Variants in COP1 observed in about 807,000 individuals in gnomAD.
COP1 encodes E3 ubiquitin-protein ligase COP1.
A neutral mutation model predicts 101.3 loss-of-function variants in COP1; 24 were observed. The observed-to-expected ratio is 0.24, with a 90% CI of 0.17 to 0.33. The LOEUF (loss-of-function observed/expected upper bound fraction) is 0.33, where lower values mean the gene tolerates loss of function less well. COP1 is among the 10% of genes least tolerant of loss of function. The pLI, the probability that COP1 is intolerant of heterozygous loss-of-function variation, is 1.00. For synonymous variants in COP1, 347 were observed against 341.9 expected, an observed-to-expected ratio of 1.01 and a Z score of -0.17; for missense variants, 663 against 906.2, an observed-to-expected ratio of 0.73 and a Z score of 3.45.
chr1:176,042,550 G>A (rs190456079), intron 14 of COP1, among the ~76,000 whole-genome samples: 209 of 137,646 alleles, frequency 1.5e-3, no homozygotes, highest in Non-Finnish European at 1.5e-3. Flanking sequence ...GCAGCAGAGC[G>A]AGAATCCGTC....
At chr1:175,974,878 G>T (rs1654121656) in intron 18 of COP1, among the ~76,000 whole-genome samples, 1 of 146,650 alleles carries the variant, frequency 6.8e-6, no homozygotes, top group Non-Finnish European at 1.5e-5. Context: ...ATGAGCCATG[G>T]CTGCACTGCA....
In COP1 at chr1:175,945,135, T is replaced by C. The variant is rs374362432; in HGVS notation, c.*18A>G. On this transcript the variant is annotated 3_prime_UTR_variant, in exon 20 of 20. Transcript: ENST00000367669. ...GTATTTCAGCAGGATCAAGTACAAT[T>C]TGACTTGAGTTAACCCTTCATACCA... 83 of 1,564,204 alleles carry C rather than the reference T, an allele frequency of 5.3e-5. No homozygotes were observed. The African/African-American group carries it at 1.1e-3, about 20-fold the overall frequency.
At chr1:175,996,053 T>C (rs1300839671) in intron 15 of COP1, among the ~76,000 whole-genome samples, 1 of 152,132 alleles carries the variant, frequency 6.6e-6, no homozygotes, top group Non-Finnish European at 1.5e-5. Context: ...TCCACCATGA[T>C]CAAGTGGGCT....
At chr1:176,132,537 GAATA>G (rs1226406157) in intron 8 of COP1, among the ~76,000 whole-genome samples, 5 of 149,406 alleles carry the variant, frequency 3.3e-5, no homozygotes, top group Middle Eastern at 3.5e-3. Flanking sequence ...ACACATATAT[GAATA>G]TATACACACA....
At chr1:175,987,720 G>C (rs746870408) in intron 17 of COP1, among the ~76,000 whole-genome samples, 30 of 152,102 alleles carry the variant, frequency 2.0e-4, no homozygotes, top group Non-Finnish European at 4.1e-4. Context: ...CTGAACAAAG[G>C]CCAAGTCATT....
chr1:176,152,881 T>G (rs1692846421), intron 5 of COP1, among the ~76,000 whole-genome samples: 1 of 152,172 alleles, frequency 6.6e-6, no homozygotes, highest in South Asian at 2.1e-4. Flanking sequence ...TATTACTATT[T>G]AGGTAATAAT....
intron 15 of COP1, among the ~76,000 whole-genome samples, chr1:176,025,006 A>G (rs1439703848): frequency 1.3e-5 from 2 of 152,316 alleles, no homozygotes; most frequent in Non-Finnish European, 2.9e-5. Flanking sequence ...TAAATATAGT[A>G]GTTTATCAAA....
intron 9 of COP1, among the ~76,000 whole-genome samples, chr1:176,099,104 A>G (rs1682925321): frequency 6.6e-6 from 1 of 151,762 alleles, no homozygotes; most frequent in Admixed American, 6.6e-5. Context: ...TACTTTGTCA[A>G]TTGTGCTTCT....
At chr1:175,950,323 T>C (rs1292709342) in intron 18 of COP1, among the ~76,000 whole-genome samples, 1 of 152,030 alleles carries the variant, frequency 6.6e-6, no homozygotes, top group Non-Finnish European at 1.5e-5. Flanking sequence ...ACATCCTCTC[T>C]CCCCAAAGGT....
At chr1:176,063,276 G>A (rs1675311596) in intron 11 of COP1, among the ~76,000 whole-genome samples, 1 of 151,646 alleles carries the variant, frequency 6.6e-6, no homozygotes, top group Non-Finnish European at 1.5e-5. Flanking sequence ...TAGCCAGGAT[G>A]GTCTCGATCT....
intron 9 of COP1, among the ~76,000 whole-genome samples, chr1:176,109,110 C>G (rs1249029569): frequency 6.6e-6 from 1 of 151,302 alleles, no homozygotes; most frequent in Admixed American, 6.6e-5. Flanking sequence ...GACTCTGTCT[C>G]AAAAAAATAA....
At chr1:176,105,880 A>C (rs996666995) in intron 9 of COP1, among the ~76,000 whole-genome samples, 6 of 152,130 alleles carry the variant, frequency 3.9e-5, no homozygotes, top group African/African-American at 1.4e-4. Context: ...GACTGAAACC[A>C]CCTTTGCAAA....
intron 8 of COP1, among the ~76,000 whole-genome samples, chr1:176,124,204 T>C (rs1001704569): frequency 4.6e-5 from 7 of 152,144 alleles, no homozygotes; most frequent in Admixed American, 1.3e-4. Context: ...ATATGTAATA[T>C]CACAACATGG....
intron 3 of COP1, among the ~76,000 whole-genome samples, chr1:176,173,785 C>T (rs1191542095): frequency 6.6e-6 from 1 of 151,650 alleles, no homozygotes; most frequent in Admixed American, 6.6e-5. Flanking sequence ...TCCAGGAGTT[C>T]GAGACCAGCC....
chr1:176,160,001 A>G (rs1694053448), intron 5 of COP1, among the ~76,000 whole-genome samples: 1 of 152,194 alleles, frequency 6.6e-6, no homozygotes, highest in Non-Finnish European at 1.5e-5. Context: ...ATTCAGGTTA[A>G]ATAATAATGA....
chr1:175,993,199 A>C (rs1659113377), intron 15 of COP1, among the ~76,000 whole-genome samples: 1 of 152,338 alleles, frequency 6.6e-6, no homozygotes, highest in Non-Finnish European at 1.5e-5. Context: ...TGTTAGAAGG[A>C]AAACTAACAA....
At chr1:176,144,686 C>A (rs922709880) in intron 6 of COP1, among the ~76,000 whole-genome samples, 1 of 151,958 alleles carries the variant, frequency 6.6e-6, no homozygotes, top group African/African-American at 2.4e-5. Context: ...GCGAAAAAGA[C>A]CAGTGAAGCA....
At chr1:176,078,112 A>G (rs146413748) in intron 11 of COP1, among the ~76,000 whole-genome samples, 2,416 of 152,242 alleles carry the variant, frequency 0.016, 33 homozygotes, top group Non-Finnish European at 0.023. Context: ...TAAAATACCA[A>G]CGTCATTTTT....
chr1:176,183,878 A>G (rs950127469), intron 2 of COP1, among the ~76,000 whole-genome samples: 14 of 152,198 alleles, frequency 9.2e-5, no homozygotes, highest in African/African-American at 3.4e-4. Flanking sequence ...CGAGGTATCT[A>G]GAATAGTTAA....
Sources: allele counts gnomAD v4.1 joint callset (sites outside exome capture counted in the v4.1 genomes callset), GRCh38; gene constraint gnomAD v4.1.1; transcripts MANE v1.5; gene names NCBI Gene and HGNC (gene_info 2026-07-23, HGNC 2026-07-21).